The following ASIC2 variants were observed in gnomAD, a reference collection of about 807,000 sequenced individuals.
ASIC2 encodes the protein acid sensing ion channel subunit 2.
A neutral mutation model predicts 57.3 loss-of-function variants in ASIC2; 25 were observed. The ratio of observed to expected loss-of-function variants is 0.44; its 90% CI spans 0.32 to 0.61. The LOEUF (loss-of-function observed/expected upper bound fraction) is 0.61. ASIC2 is among the 20% of genes least tolerant of loss of function. ASIC2 has a pLI of 0.06. For missense variants in ASIC2, 641 were observed against 738.1 expected, an observed-to-expected ratio of 0.87 and a Z score of 1.52; for synonymous variants, 319 against 307.5, an observed-to-expected ratio of 1.04 and a Z score of -0.39.
intron 1 of ASIC2, among the ~76,000 whole-genome samples, chr17:33,607,462 A>C (rs1490956380): frequency 6.6e-6 from 1 of 152,102 alleles, no homozygotes; most frequent in African/African-American, 2.4e-5. Flanking sequence ...TCTTCTCATT[A>C]CACCCACTGC....
chr17:33,024,490 T>A (rs1401289190), intron 5 of ASIC2, among the ~76,000 whole-genome samples: 1 of 152,176 alleles, frequency 6.6e-6, no homozygotes, highest in African/African-American at 2.4e-5. Context: ...TTCATTTCTT[T>A]CCCTGGAGGC....
chr17:33,187,670 T>C (rs556255684), intron 1 of ASIC2, among the ~76,000 whole-genome samples: 182 of 152,234 alleles, frequency 1.2e-3, no homozygotes, highest in Middle Eastern at 3.4e-3. Context: ...TGTGAAAGAA[T>C]GGCTGTGGCT....
intron 1 of ASIC2, among the ~76,000 whole-genome samples, chr17:33,956,452 C>G (rs1904737663): frequency 1.3e-5 from 2 of 152,124 alleles, no homozygotes; most frequent in Admixed American, 6.5e-5. Flanking sequence ...AGCTCTGAAC[C>G]CAATGTCTCT....
intron 1 of ASIC2, among the ~76,000 whole-genome samples, chr17:33,327,174 T>C (rs1451637032): frequency 6.6e-6 from 1 of 152,188 alleles, no homozygotes; most frequent in Non-Finnish European, 1.5e-5. Flanking sequence ...GACCGTATTG[T>C]TCCTCACTCT....
At chr17:33,462,771 T>C (rs1444930981) in intron 1 of ASIC2, among the ~76,000 whole-genome samples, 1 of 152,206 alleles carries the variant, frequency 6.6e-6, no homozygotes, top group Non-Finnish European at 1.5e-5. Flanking sequence ...AAATGAAACA[T>C]TGAATTCTGG....
chr17:33,620,788 C>T (rs1169844216), intron 1 of ASIC2, among the ~76,000 whole-genome samples: 1 of 152,052 alleles, frequency 6.6e-6, no homozygotes, highest in Non-Finnish European at 1.5e-5. Context: ...GGTAATGTGC[C>T]TTGAATTTCT....
At chr17:33,116,328 C>G (rs1157804226) in intron 1 of ASIC2, among the ~76,000 whole-genome samples, 1 of 152,342 alleles carries the variant, frequency 6.6e-6, no homozygotes, top group East Asian at 1.9e-4. Flanking sequence ...AGATGCAGCT[C>G]TTTCTGCATT....
chr17:33,557,577 G>C (rs1183395689), intron 1 of ASIC2, among the ~76,000 whole-genome samples: 1 of 152,182 alleles, frequency 6.6e-6, no homozygotes, highest in East Asian at 1.9e-4. Context: ...GTGGAAGGAG[G>C]AGTGTTAGAG....
chr17:33,281,926 C>T (rs1349692969), intron 1 of ASIC2, among the ~76,000 whole-genome samples: 1 of 152,210 alleles, frequency 6.6e-6, no homozygotes, highest in Non-Finnish European at 1.5e-5. Flanking sequence ...CCTTTCTACT[C>T]CCCCTAACCA....
chr17:33,336,336 A>G (rs945308980), intron 1 of ASIC2, among the ~76,000 whole-genome samples: 2 of 152,104 alleles, frequency 1.3e-5, no homozygotes, highest in Non-Finnish European at 2.9e-5. Flanking sequence ...TCCCGTCTCT[A>G]TTTAAAATTT....
At chr17:33,443,288 C>G (rs78011870) in intron 1 of ASIC2, among the ~76,000 whole-genome samples, 2,408 of 151,974 alleles carry the variant, frequency 0.016, 41 homozygotes, top group Non-Finnish European at 0.025. Flanking sequence ...GAAGTATCCT[C>G]GCCTCCATTT....
intron 1 of ASIC2, among the ~76,000 whole-genome samples, chr17:33,410,277 TA>T (rs1910611458): frequency 6.6e-6 from 1 of 152,068 alleles, no homozygotes; most frequent in Non-Finnish European, 1.5e-5. Flanking sequence ...CTGCTCTGAA[TA>T]AAAAATGTGT....
intron 1 of ASIC2, among the ~76,000 whole-genome samples, chr17:34,142,343 T>C (rs908014314): frequency 6.6e-6 from 1 of 152,012 alleles, no homozygotes; most frequent in African/African-American, 2.4e-5. Flanking sequence ...AAAACCCTTT[T>C]CAGAGAACAG....
In ASIC2 at chr17:33,102,000, C is replaced by T. The variant is rs60900993; in HGVS notation, c.859+9917G>A. 8.6e-3 allele frequency among the ~76,000 whole-genome samples: 1,310 copies of T among 152,168 alleles called. 24 individuals carry two copies. The highest frequency in any genetic ancestry group is 0.028 in the African/African-American group (1,145 of 41,510). ...GCCAGACAGACCCACAAGGGCCATCCCTTGTGGATCCAACATCTTCCTGCT... is the reference window on the plus strand; with the variant it reads ...GCCAGACAGACCCACAAGGGCCATCTCTTGTGGATCCAACATCTTCCTGCT... On this transcript the variant is annotated intron_variant, in intron 2 of 9. Transcript: ENST00000225823.
At chr17:33,577,590 C>G (rs1249744771) in intron 1 of ASIC2, among the ~76,000 whole-genome samples, 1 of 152,122 alleles carries the variant, frequency 6.6e-6, no homozygotes, top group Non-Finnish European at 1.5e-5. Context: ...AGGAATATGG[C>G]CCTGGAATGA....
chr17:33,503,155 C>T (rs1914150214), intron 1 of ASIC2, among the ~76,000 whole-genome samples: 1 of 152,078 alleles, frequency 6.6e-6, no homozygotes. Context: ...AAAGCATATA[C>T]CCTATAGTGT....
chr17:33,971,776 C>T (rs1464407630), intron 1 of ASIC2, among the ~76,000 whole-genome samples: 2 of 152,172 alleles, frequency 1.3e-5, no homozygotes, highest in African/African-American at 2.4e-5. Context: ...AAACTTGGAT[C>T]TTCAGACCCA....
rs571844155 is a variant in ASIC2 at position 33,134,827 on chromosome 17, C to A, written c.709-22760G>T. 2.7e-4 allele frequency among the ~76,000 whole-genome samples: 41 copies of A among 149,962 alleles called. 1 individual carries two copies. In the Middle Eastern group the frequency reaches 0.01, roughly 38 times the overall value. ...ATCATAGCCCCTGCCCCAAAGGTTG[C>A]TCCACAAGACTGGCATTCTCAGACT... is the stretch of plus-strand genomic sequence containing the variant. On this transcript the variant is annotated intron_variant, in intron 1 of 9. Coordinates refer to ENST00000225823, the MANE Select transcript of ASIC2 (RefSeq NM_183377.2).
chr17:33,155,105 C>A (rs1021352591), intron 1 of ASIC2, among the ~76,000 whole-genome samples: 1 of 152,236 alleles, frequency 6.6e-6, no homozygotes, highest in African/African-American at 2.4e-5. Flanking sequence ...TTCCAATCAA[C>A]ATAGAGAGCC....
Sources: allele counts gnomAD v4.1 joint callset (sites outside exome capture counted in the v4.1 genomes callset), GRCh38; gene constraint gnomAD v4.1.1; transcripts MANE v1.5; gene names NCBI Gene and HGNC (gene_info 2026-07-23, HGNC 2026-07-21).